The following NELFB variants were observed in gnomAD, a reference collection of about 807,000 sequenced individuals.
NELFB encodes negative elongation factor B.
A neutral mutation model predicts 60.2 loss-of-function variants in NELFB; 34 were observed. The observed-to-expected ratio is 0.56, with a 90% CI of 0.43 to 0.75. NELFB has a LOEUF of 0.75. Ranked by LOEUF, NELFB falls within the 30% of genes least tolerant of loss-of-function variation. The pLI is 0.00. For synonymous variants in NELFB, 459 were observed against 382.1 expected, an observed-to-expected ratio of 1.20 and a Z score of -2.35; for missense variants, 770 against 831.6, an observed-to-expected ratio of 0.93 and a Z score of 0.91.
intron 6 of NELFB, 89 bp from the exon 7 acceptor site, chr9:137,265,788 A>C: frequency 1.2e-6 from 1 of 869,270 alleles, no homozygotes; most frequent in Non-Finnish European, 1.9e-6. Flanking sequence ...CCAGTCCTGA[A>C]TTCAGCCTAG....
chr9:137,266,923 C>T (rs1319218402), intron 8 of NELFB, 21 bp from the exon 9 acceptor site: 3 of 1,611,902 alleles, frequency 1.9e-6, no homozygotes, highest in Admixed American at 1.7e-5. Context: ...CGCGCCCGCT[C>T]ATGGCCTCCC....
chr9:137,272,762 C>G lies in NELFB; in HGVS notation c.1741-20C>G. ...GCCTGCCCATGCGCCTCGCCTGCCC[C>G]ATGGTGTGGTTCCCCGCAGAGCGGA... On this transcript the variant is annotated intron_variant, in intron 12 of 12. Coordinates refer to ENST00000343053, the MANE Select transcript of NELFB (RefSeq NM_015456.5). The G allele has an allele frequency of 6.5e-7, 1 of 1,533,782 alleles. No homozygotes were observed. Among genetic ancestry groups the G allele is most frequent in the Non-Finnish European group, 8.8e-7 (1 of 1,135,798 alleles).
chr9:137,256,955 G>A lies in NELFB; in HGVS notation c.642G>A (p.Lys214=). 2 of 1,614,198 alleles carry A rather than the reference G, an allele frequency of 1.2e-6. No individual in the cohort carries two copies. The highest frequency in any genetic ancestry group is 1.3e-5 in the African/African-American group (1 of 75,072). The stretch of plus-strand genomic sequence containing the variant: ...GGGACGAGGTTTCCCCACTCCTGAA[G>A]CAGTACATCCTGGAGAAGGAGAGCG... Residue 214 remains lysine, a synonymous_variant, in exon 4 of 13, where the codon AAG becomes AAA. Coordinates refer to ENST00000343053, the MANE Select transcript of NELFB (RefSeq NM_015456.5).
In NELFB at chr9:137,272,985, C is replaced by T; in HGVS notation, c.*57C>T. On this transcript the variant is annotated 3_prime_UTR_variant, in exon 13 of 13. Coordinates refer to ENST00000343053, the MANE Select transcript of NELFB (RefSeq NM_015456.5). ...CATGCCGAGTCGCGGCCCTGCTCAG[C>T]CGGAAGAGGCTCCCGGACCTGGATG... is the stretch of plus-strand genomic sequence containing the variant. 6.9e-7 allele frequency: 1 copy of T among 1,449,530 alleles called. No individual in the cohort carries two copies. The highest frequency in any genetic ancestry group is 9.1e-7 in the Non-Finnish European group (1 of 1,095,354). The allele number at this position is 1,449,530 out of a possible 1,614,324, so 89.8% of individuals were successfully genotyped here. A position where few individuals can be genotyped will look rare whatever the true frequency, so the allele number is the denominator to read the frequency against.
chr9:137,271,648 C>T lies in NELFB; in HGVS notation c.1490-433C>T, dbSNP rs915349283. Among the ~76,000 whole-genome samples, 5 of 152,220 alleles carry T rather than the reference C, an allele frequency of 3.3e-5. 1 individual carries two copies. In the South Asian group the frequency reaches 1.0e-3, roughly 31 times the overall value. On this transcript the variant is annotated intron_variant, in intron 10 of 12. Coordinates refer to ENST00000343053, the MANE Select transcript of NELFB (RefSeq NM_015456.5). Reference sequence around the variant, plus strand: ...CAGTGTAGCTGGCAGTCAGGGAGAACTCTCTGCAGCTGGCGCCGGCCCTGT... The same window carrying T: ...CAGTGTAGCTGGCAGTCAGGGAGAATTCTCTGCAGCTGGCGCCGGCCCTGT...
rs764840168 is a variant in NELFB, at chr9:137,266,359, G to A, written c.1172G>A (p.Arg391Gln). 5.0e-6 allele frequency: 8 copies of A among 1,612,974 alleles called. No homozygotes were observed. Among genetic ancestry groups the A allele is most frequent in the Middle Eastern group, 1.7e-4 (1 of 6,026 alleles). Residue 391 changes from arginine (R) to glutamine (Q), a missense_variant, in exon 8 of 13, where the codon CGG (arginine) becomes CAG (glutamine). Arg to Gln is a conservative substitution (Grantham distance 43, BLOSUM62 1). Transcript: ENST00000343053. ...AGCCCCGACCTCCTGCTGCTGCTCC[G>A]GCTGCTGGCGCTGGGCCAGGGAGCC...
intron 12 of NELFB, 27 bp from the exon 13 acceptor site, chr9:137,272,755 C>G (rs1370900971): frequency 6.5e-7 from 1 of 1,528,350 alleles, no homozygotes; most frequent in Non-Finnish European, 8.8e-7. Flanking sequence ...ATGCGCCTCG[C>G]CTGCCCCATG....
At chr9:137,264,464 C>A in intron 6 of NELFB, 107 bp downstream of exon 6, 2 of 803,576 alleles carry the variant, frequency 2.5e-6, no homozygotes, top group Non-Finnish European at 4.0e-6. Flanking sequence ...CCGGATATTG[C>A]TTTTTCTTTT....
intron 10 of NELFB, among the ~76,000 whole-genome samples, chr9:137,268,194 C>G (rs1435306703): frequency 2.6e-5 from 4 of 151,736 alleles, no homozygotes. Flanking sequence ...TGACACAGAC[C>G]CTGGGCTCTT....
chr9:137,262,886 C>T, intron 4 of NELFB, 151 bp from the exon 5 acceptor site: 2 of 724,794 alleles, frequency 2.8e-6, no homozygotes, highest in Non-Finnish European at 4.5e-6. Context: ...AGACTGGGGG[C>T]CAATATTTAA....
intron 9 of NELFB, 33 bp downstream of exon 9, chr9:137,267,119 C>T (rs1428295826): frequency 7.4e-6 from 12 of 1,613,388 alleles, no homozygotes; most frequent in Admixed American, 3.3e-5. Context: ...GCAGGGGTGG[C>T]CGTGGCGCAG....
Position 137,263,634 on chromosome 9 carries a change from C to T in NELFB, c.927+412C>T, listed in dbSNP as rs545808112. ...TGGTCTTTCTGTCCTGTGTGCTGGC[C>T]CTTTGGCTTCTCTCCAGACCCTGAT... On this transcript the variant is annotated intron_variant, in intron 5 of 12. Transcript: ENST00000343053. 5.9e-5 allele frequency among the ~76,000 whole-genome samples: 9 copies of T among 151,758 alleles called. No individual in the cohort carries two copies. The South Asian group carries it at 1.7e-3, about 28-fold the overall frequency.
At chr9:137,264,408 C>A (rs768010506) in intron 6 of NELFB, 51 bp downstream of exon 6, 1 of 1,356,822 alleles carries the variant, frequency 7.4e-7, no homozygotes, top group Non-Finnish European at 1.0e-6. Context: ...TGCGTGCATC[C>A]GGTCTGCGCT....
chr9:137,257,959 G>T lies in NELFB; in HGVS notation c.741+905G>T, dbSNP rs1481810553. Among the ~76,000 whole-genome samples the T allele has an allele frequency of 2.0e-5, 3 of 151,656 alleles. No homozygotes were observed. The South Asian group carries it at 6.2e-4, about 32-fold the overall frequency. ...CACAGGCACGTGCCACCACACTGGG[G>T]CTACTTAAAAATATATATATATTTT... On this transcript the variant is annotated intron_variant, in intron 4 of 12. Coordinates refer to ENST00000343053, the MANE Select transcript of NELFB (RefSeq NM_015456.5).
At position 137,272,594 on chromosome 9, in the gene NELFB, G is replaced by T. The variant is rs750943709; in HGVS notation, c.1719G>T (p.Lys573Asn). The T allele has an allele frequency of 6.2e-6, 10 of 1,605,480 alleles. No homozygotes were observed. Among genetic ancestry groups the T allele is most frequent in the African/African-American group, 1.3e-5 (1 of 74,764 alleles). ...CGTCTAAGCTGGAGGCGTTGCAGAA[G>T]GCCCTGGAGCCTACAGGCCAGGTGG... Residue 573 changes from lysine (K) to asparagine (N), a missense_variant, in exon 12 of 13, where the codon AAG (lysine) becomes AAT (asparagine). Coordinates refer to ENST00000343053, the MANE Select transcript of NELFB (RefSeq NM_015456.5).
chr9:137,262,042 T>C (rs1237880044), intron 4 of NELFB, among the ~76,000 whole-genome samples: 1 of 151,920 alleles, frequency 6.6e-6, no homozygotes, highest in Non-Finnish European at 1.5e-5. Context: ...ATCAGAGACT[T>C]TTAGTACTTT....
At chr9:137,270,966 TGAGCCAG>T (rs1364498686) in intron 10 of NELFB, among the ~76,000 whole-genome samples, 2 of 152,266 alleles carry the variant, frequency 1.3e-5, no homozygotes, top group Non-Finnish European at 2.9e-5. Context: ...CTGTCACATC[TGAGCCAG>T]GTTCACTGCC....
At chr9:137,259,605 G>A (rs564407830) in intron 4 of NELFB, among the ~76,000 whole-genome samples, 1 of 151,822 alleles carries the variant, frequency 6.6e-6, no homozygotes, top group Admixed American at 6.6e-5. Context: ...GAAATCAGTC[G>A]GCTTGGTCGG....
rs1476711226 is a variant in NELFB at position 137,265,875 on chromosome 9, A to G, written c.1041-2A>G. 1.2e-6 allele frequency: 2 copies of G among 1,610,488 alleles called. No homozygotes were observed. Among genetic ancestry groups the G allele is most frequent in the Non-Finnish European group, 1.7e-6 (2 of 1,177,522 alleles). On this transcript the variant is annotated splice_acceptor_variant, in intron 6 of 12. Transcript: ENST00000343053. LOFTEE classifies it high-confidence loss of function. The stretch of plus-strand genomic sequence containing the variant: ...ATTAATGCCAGGGCGGCCTCCTTCC[A>G]GGGACCTGTCCATGATCCTGTGTGA...
Sources: allele counts gnomAD v4.1 joint callset (sites outside exome capture counted in the v4.1 genomes callset), GRCh38; gene constraint gnomAD v4.1.1; transcripts MANE v1.5; gene names NCBI Gene and HGNC (gene_info 2026-07-23, HGNC 2026-07-21).